Variants in MAGEB2 observed in about 807,000 individuals in gnomAD.
MAGEB2 encodes the protein MAGE family member B2.
For synonymous variants in MAGEB2, 107 were observed against 96.2 expected (o/e 1.11, Z -0.66); for missense variants, 365 against 243.2 (o/e 1.50, Z -3.33).
Position 30,218,827 on chromosome X carries a change from AAAG to A in MAGEB2, c.248_250del (p.Lys83_Gly84delinsSer). 9 of 1,194,068 alleles carry A rather than the reference AAAG, an allele frequency of 7.5e-6. No individual in the cohort carries two copies. Among genetic ancestry groups the A allele is most frequent in the Non-Finnish European group, 1.0e-5 (9 of 885,722 alleles). ...GGGTGTTTCATCCACAAAATCTAAA[AAAG>A]GTGCCAAGAGCCACCAAGGTGAGAA... On this transcript the variant is annotated inframe_deletion, in exon 2 of 2. Coordinates refer to ENST00000378988, the MANE Select transcript of MAGEB2 (RefSeq NM_002364.5).
chrX:30,219,239 AG>A lies in MAGEB2; in HGVS notation c.661del (p.Glu221LysfsTer7). ...TTCTTAAATGGCAACTCAGCTACTG[AG>A]GAAGAGATCTGGGAATTCCTGAATA... ...VIFLNGNSATEEEIWEFLNML... is the reference protein window; with the variant it reads ...VIFLNGNSATXEEIWEFLNML... On this transcript the variant is annotated frameshift_variant, in exon 2 of 2. Transcript: ENST00000378988. LOFTEE classifies it low-confidence loss of function (END_TRUNC). The A allele has an allele frequency of 8.3e-7, 1 of 1,211,479 alleles. No individual in the cohort carries two copies. The highest frequency in any genetic ancestry group is 1.7e-5 in the African/African-American group (1 of 57,775).
Position 30,219,495 on chromosome X carries a change from C to A in MAGEB2, c.915C>A (p.Thr305=). The A allele has an allele frequency of 8.3e-7, 1 of 1,207,835 alleles. No homozygotes were observed. The highest frequency in any genetic ancestry group is 3.0e-5 in the East Asian group (1 of 33,792). The change falls in exon 2 of 2, where the codon ACC becomes ACA. Residue 305 remains threonine (T), a synonymous_variant. Coordinates refer to ENST00000378988, the MANE Select transcript of MAGEB2 (RefSeq NM_002364.5). ...VNGTTPCAFP[T]HYEEALKDEE... ...GTACCACCCCCTGTGCCTTCCCAAC[C>A]CATTACGAAGAAGCTTTGAAAGATG...
intron 1 of MAGEB2, among the ~76,000 whole-genome samples, 195 bp downstream of exon 1, chrX:30,215,850 A>G (rs1331468938): frequency 1.2e-4 from 13 of 111,055 alleles, no homozygotes. Flanking sequence ...GACGCAGGGA[A>G]TAGGCCTCAT....
In MAGEB2 at chrX:30,219,025, T is replaced by G; in HGVS notation, c.445T>G (p.Phe149Val). 1 of 1,210,916 alleles carries G rather than the reference T, an allele frequency of 8.3e-7. No homozygotes were observed. Among genetic ancestry groups the G allele is most frequent in the Non-Finnish European group, 1.1e-6 (1 of 894,980 alleles). Residue 149 changes from phenylalanine to valine, a missense_variant, in exon 2 of 2, where the codon TTC (phenylalanine) becomes GTC (valine). Phe to Val is a conservative substitution (Grantham distance 50, BLOSUM62 -1). Coordinates refer to ENST00000378988, the MANE Select transcript of MAGEB2 (RefSeq NM_002364.5). ...KIVGKRFREHFPEILKKASEG... is the reference protein window; with the variant it reads ...KIVGKRFREHVPEILKKASEG... ...TGTTGGCAAAAGGTTCAGGGAGCAC[T>G]TCCCTGAGATCCTCAAGAAAGCCTC...
chrX:30,219,245 A>G lies in MAGEB2; in HGVS notation c.665A>G (p.Glu222Gly). ...FLNGNSATEE[E>G]IWEFLNMLGV... ...AATGGCAACTCAGCTACTGAGGAAG[A>G]GATCTGGGAATTCCTGAATATGTTG... The change falls in exon 2 of 2, where the codon GAG (glutamate) becomes GGG (glycine). Residue 222 changes from glutamate to glycine, a missense_variant. By Grantham distance (98) the Glu-to-Gly change is moderately conservative. Coordinates refer to ENST00000378988, the MANE Select transcript of MAGEB2 (RefSeq NM_002364.5). 8.3e-7 allele frequency: 1 copy of G among 1,211,349 alleles called. No homozygotes were observed. Among genetic ancestry groups the G allele is most frequent in the African/African-American group, 1.7e-5 (1 of 57,710 alleles).
Position 30,219,215 on chromosome X carries a change from TC to T in MAGEB2, c.636del (p.Leu213Ter). On this transcript the variant is annotated frameshift_variant, in exon 2 of 2. Coordinates refer to ENST00000378988, the MANE Select transcript of MAGEB2 (RefSeq NM_002364.5). LOFTEE classifies it low-confidence loss of function (END_TRUNC). The part of the protein sequence containing the change: ...KLLMPLLGVI[F>X]LNGNSATEEE... ...CTGATGCCTCTCCTGGGTGTGATCTTCTTAAATGGCAACTCAGCTACTGAGG... is the reference window on the plus strand; with the variant it reads ...CTGATGCCTCTCCTGGGTGTGATCTTTTAAATGGCAACTCAGCTACTGAGG... 2 of 1,211,118 alleles carry T rather than the reference TC, an allele frequency of 1.7e-6. No homozygotes were observed. The highest frequency in any genetic ancestry group is 2.2e-6 in the Non-Finnish European group (2 of 895,047).
At chrX:30,217,594 C>T (rs1924437474) in intron 1 of MAGEB2, among the ~76,000 whole-genome samples, 1 of 112,203 alleles carries the variant, frequency 8.9e-6, no homozygotes, top group South Asian at 3.7e-4. Flanking sequence ...AATTTAGAGG[C>T]TGAGTTGGGA....
chrX:30,218,896 C>G lies in MAGEB2; in HGVS notation c.316C>G (p.Pro106Ala). 1 of 1,209,616 alleles carries G rather than the reference C, an allele frequency of 8.3e-7. No homozygotes were observed. Among genetic ancestry groups the G allele is most frequent in the Non-Finnish European group, 1.1e-6 (1 of 894,239 alleles). ...CCAGGCCTCAACATCCACTAAGAGCCCAAGCGAAGATCCTCTAACCAGGAA... is the reference window on the plus strand; with the variant it reads ...CCAGGCCTCAACATCCACTAAGAGCGCAAGCGAAGATCCTCTAACCAGGAA... ...SSQASTSTKSPSEDPLTRKSG... is the reference protein window; with the variant it reads ...SSQASTSTKSASEDPLTRKSG... The change falls in exon 2 of 2, where the codon CCA (proline) becomes GCA (alanine). Residue 106 changes from proline to alanine, a missense_variant. Transcript: ENST00000378988.
Position 30,219,135 on chromosome X carries a change from C to T in MAGEB2, c.555C>T (p.Asp185=). 1 of 1,210,777 alleles carries T rather than the reference C, an allele frequency of 8.3e-7. No homozygotes were observed. Among genetic ancestry groups the T allele is most frequent in the Non-Finnish European group, 1.1e-6 (1 of 894,950 alleles). The change falls in exon 2 of 2, where the codon GAC becomes GAT. Residue 185 remains aspartate, a synonymous_variant. Transcript: ENST00000378988. The part of the protein sequence containing the change: ...GHTYTFIDKV[D]LTDEESLLSS... ...CTTACACCTTCATCGACAAGGTAGACCTCACTGATGAGGAATCCCTGCTCA... is the reference window on the plus strand; with the variant it reads ...CTTACACCTTCATCGACAAGGTAGATCTCACTGATGAGGAATCCCTGCTCA...
chrX:30,218,001 C>T (rs1423385630), intron 1 of MAGEB2, among the ~76,000 whole-genome samples: 1 of 111,764 alleles, frequency 8.9e-6, no homozygotes, highest in African/African-American at 3.3e-5. Flanking sequence ...GGGCTGGTGC[C>T]AAGCCCTACA....
Position 30,219,779 on chromosome X carries a change from A to C in MAGEB2, c.*239A>C. 3.3e-6 allele frequency: 1 copy of C among 298,664 alleles called. No homozygotes were observed. Among genetic ancestry groups the C allele is most frequent in the Non-Finnish European group, 6.1e-6 (1 of 164,273 alleles). The allele number at this position is 298,664 out of a possible 1,213,427, so 24.6% of individuals were successfully genotyped here. A position where few individuals can be genotyped will look rare whatever the true frequency, so the allele number is the denominator to read the frequency against. On this transcript the variant is annotated 3_prime_UTR_variant, in exon 2 of 2. Coordinates refer to ENST00000378988, the MANE Select transcript of MAGEB2 (RefSeq NM_002364.5). ...GATTCAGAATGTAAATTTACAAATG[A>C]TATAGATCACCCTGTTATTGCTGTT...
rs1569250438 is a variant in MAGEB2, at chrX:30,219,438, G to GA, written c.861dup (p.Val288SerfsTer27). Reference sequence around the variant, plus strand: ...GAGCCTATGCTGAAACCAGCAAGATGAAAGTCCTGGAGTTTTTGGCCAAGG... The same window carrying GA: ...GAGCCTATGCTGAAACCAGCAAGATGAAAAGTCCTGGAGTTTTTGGCCAAGG... On this transcript the variant is annotated frameshift_variant, in exon 2 of 2. Coordinates refer to ENST00000378988, the MANE Select transcript of MAGEB2 (RefSeq NM_002364.5). LOFTEE classifies it low-confidence loss of function (END_TRUNC). The GA allele has an allele frequency of 8.3e-7, 1 of 1,211,665 alleles. No individual in the cohort carries two copies. The highest frequency in any genetic ancestry group is 1.7e-5 in the African/African-American group (1 of 57,862).
chrX:30,216,183 C>T (rs955246471), intron 1 of MAGEB2, among the ~76,000 whole-genome samples: 3 of 112,090 alleles, frequency 2.7e-5, no homozygotes, highest in Non-Finnish European at 3.8e-5. Context: ...CGAGGTGACA[C>T]TGGGTTTTAG....
rs376379710 is a variant in MAGEB2, at chrX:30,219,581, A to G, written c.*41A>G. 6.1e-5 allele frequency: 68 copies of G among 1,119,578 alleles called. No homozygotes were observed. The African/African-American group carries it at 1.0e-3, about 17-fold the overall frequency. The allele number at this position is 1,119,578 out of a possible 1,213,427, so 92.3% of individuals were successfully genotyped here. On this transcript the variant is annotated 3_prime_UTR_variant, in exon 2 of 2. Transcript: ENST00000378988. ...AGGCCTTGCACTACTGCCATAGCCA[A>G]TCAATCTCCCAAAGCCAAGTTTACC...
chrX:30,216,132 C>T (rs1226356070), intron 1 of MAGEB2, among the ~76,000 whole-genome samples: 1 of 111,389 alleles, frequency 9.0e-6, no homozygotes, highest in African/African-American at 3.3e-5. Context: ...AATGAGCGGA[C>T]CTCTACCCAA....
At position 30,219,070 on chromosome X, in the gene MAGEB2, T is replaced by G. The variant is rs1245832147; in HGVS notation, c.490T>G (p.Phe164Val). The change falls in exon 2 of 2, where the codon TTT (phenylalanine) becomes GTT (valine). Residue 164 changes from phenylalanine (F) to valine (V), a missense_variant. By Grantham distance (50) the Phe-to-Val change is conservative. Transcript: ENST00000378988. ...AGCCTCTGAGGGCCTCAGTGTTGTCTTTGGCCTTGAGCTGAATAAAGTCAA... is the reference window on the plus strand; with the variant it reads ...AGCCTCTGAGGGCCTCAGTGTTGTCGTTGGCCTTGAGCTGAATAAAGTCAA... ...KKASEGLSVVFGLELNKVNPN... is the reference protein window; with the variant it reads ...KKASEGLSVVVGLELNKVNPN... 2 of 1,210,909 alleles carry G rather than the reference T, an allele frequency of 1.7e-6. No homozygotes were observed. The highest frequency in any genetic ancestry group is 2.2e-6 in the Non-Finnish European group (2 of 894,913).
Position 30,219,401 on chromosome X carries a change from T to C in MAGEB2, c.821T>C (p.Leu274Pro). 2 of 1,211,767 alleles carry C rather than the reference T, an allele frequency of 1.7e-6. No homozygotes were observed. The highest frequency in any genetic ancestry group is 2.2e-6 in the Non-Finnish European group (2 of 895,286). Residue 274 changes from leucine (L) to proline (P), a missense_variant, in exon 2 of 2, where the codon CTG (leucine) becomes CCG (proline). Leu to Pro is a moderately conservative substitution (Grantham distance 98). Transcript: ENST00000378988. ...AGTGATCCCCCACGCTTTCAATTCC[T>C]GTGGGGTCCGAGAGCCTATGCTGAA... Reference protein sequence around the residue: ...PSSDPPRFQFLWGPRAYAETS... With the variant: ...PSSDPPRFQFPWGPRAYAETS...
At chrX:30,218,536 A>C in intron 1 of MAGEB2, 40 bp from the exon 2 acceptor site, 1 of 1,166,263 alleles carries the variant, frequency 8.6e-7, no homozygotes, top group Non-Finnish European at 1.1e-6. Context: ...CAGGTATACT[A>C]ACCATCTATT....
rs1291763751 is a variant in MAGEB2, at chrX:30,219,202, C to T, written c.622C>T (p.Leu208=). The change falls in exon 2 of 2, where the codon CTG becomes TTG. Residue 208 remains leucine, a synonymous_variant. Transcript: ENST00000378988. ...FPRRKLLMPL[L]GVIFLNGNSA... The stretch of plus-strand genomic sequence containing the variant: ...CAGGAGAAAGCTTCTGATGCCTCTC[C>T]TGGGTGTGATCTTCTTAAATGGCAA... The T allele has an allele frequency of 2.0e-5, 24 of 1,210,686 alleles. No individual in the cohort carries two copies. Among genetic ancestry groups the T allele is most frequent in the Non-Finnish European group, 2.3e-5 (21 of 894,807 alleles).
Sources: allele counts gnomAD v4.1 joint callset (sites outside exome capture counted in the v4.1 genomes callset), GRCh38; gene constraint gnomAD v4.1.1; transcripts MANE v1.5; gene names NCBI Gene and HGNC (gene_info 2026-07-23, HGNC 2026-07-21).